PPP2R5C: variants seen among roughly 807,000 people sequenced by gnomAD.
The protein encoded by PPP2R5C is protein phosphatase 2 regulatory subunit B'gamma.
In PPP2R5C, 7 loss-of-function variants were observed where a neutral mutation model predicts 68.9. The ratio of observed to expected loss-of-function variants is 0.10; its 90% CI spans 0.06 to 0.19. The LOEUF (loss-of-function observed/expected upper bound fraction) is 0.19, where lower values mean the gene tolerates loss of function less well. PPP2R5C is among the 10% of genes least tolerant of loss of function. PPP2R5C has a pLI of 1.00. For missense variants in PPP2R5C, 348 were observed against 641.3 expected (o/e 0.54, Z 4.94); for synonymous variants, 210 against 222.2 (o/e 0.95, Z 0.49).
intron 1 of PPP2R5C, among the ~76,000 whole-genome samples, chr14:101,839,937 G>C (rs1253188607): frequency 6.7e-6 from 1 of 149,956 alleles, no homozygotes; most frequent in Admixed American, 6.6e-5. Flanking sequence ...GGCCTTTCCT[G>C]TGTTGTTTGG....
chr14:101,858,938 C>A (rs1377548322), intron 2 of PPP2R5C, among the ~76,000 whole-genome samples: 1 of 152,166 alleles, frequency 6.6e-6, no homozygotes, highest in Non-Finnish European at 1.5e-5. Flanking sequence ...TACTTAAAAG[C>A]CCTTGAGGCT....
At chr14:101,869,358 C>A (rs1326231652) in intron 2 of PPP2R5C, among the ~76,000 whole-genome samples, 1 of 152,192 alleles carries the variant, frequency 6.6e-6, no homozygotes, top group Non-Finnish European at 1.5e-5. Context: ...TGAGGTGTTT[C>A]CAGTTTTATT....
In PPP2R5C at chr14:101,888,258, T is replaced by G. The variant is rs1326877545; in HGVS notation, c.630-1979T>G. ...GTAAACTGAAGCCACACGGCTGCCGTGTATGCAAAGGGAGCCTGCAGGGTG... is the reference window on the plus strand; with the variant it reads ...GTAAACTGAAGCCACACGGCTGCCGGGTATGCAAAGGGAGCCTGCAGGGTG... On this transcript the variant is annotated intron_variant, in intron 5 of 13. Coordinates refer to ENST00000334743, the Ensembl canonical transcript of PPP2R5C. The surrounding 1 kb of genome is among the most constrained non-coding windows in gnomAD (Gnocchi z 5.6). 6.6e-6 allele frequency among the ~76,000 whole-genome samples: 1 copy of G among 151,684 alleles called. No homozygotes were observed. Among genetic ancestry groups the G allele is most frequent in the African/African-American group, 2.4e-5 (1 of 41,258 alleles).
rs2044228888 is a variant in PPP2R5C at position 101,882,565 on chromosome 14, AATCTCCCAG to A, written c.405+295_405+303del. On this transcript the variant is annotated intron_variant, in intron 3 of 13. Coordinates refer to ENST00000334743, the Ensembl canonical transcript of PPP2R5C. The surrounding 1 kb of genome is among the most constrained non-coding windows in gnomAD (Gnocchi z 4.9). ...TCAGGCCCAGAGGTCCTAAGCCAAC[AATCTCCCAG>A]TTTTTGCTCCTCATATTTAATAGGT... 3.8e-6 allele frequency: 1 copy of A among 262,224 alleles called. No individual in the cohort carries two copies. The highest frequency in any genetic ancestry group is 7.2e-6 in the Non-Finnish European group (1 of 139,560). 16.2% of individuals were successfully genotyped at this position (262,224 alleles called of 1,614,324 possible).
At chr14:101,765,864 G>A (rs1226543466) in intron 2 of PPP2R5C, 1 of 151,666 alleles carries the variant, frequency 6.6e-6, no homozygotes, top group African/African-American at 2.4e-5. Context: ...TGGGATTACA[G>A]GCGTTAGCCA....
upstream of PPP2R5C, chr14:101,760,637 G>A (rs1207922743): frequency 4.4e-6 from 4 of 899,476 alleles, no homozygotes; most frequent in Non-Finnish European, 5.3e-6. Flanking sequence ...GGACCTTGCG[G>A]GAGAAACTGC....
chr14:101,900,940 T>C (rs2045649515), intron 8 of PPP2R5C, among the ~76,000 whole-genome samples: 1 of 152,248 alleles, frequency 6.6e-6, no homozygotes, highest in Non-Finnish European at 1.5e-5. Flanking sequence ...CCCACAGGTG[T>C]GCGCACAGAG....
chr14:101,914,829 T>C (rs983491771), intron 12 of PPP2R5C, among the ~76,000 whole-genome samples: 38 of 152,148 alleles, frequency 2.5e-4, no homozygotes, highest in Admixed American at 1.8e-3. Context: ...TCCTAATCCA[T>C]CAAAAGGGGC....
In PPP2R5C at chr14:101,899,791, C is replaced by G. The variant is rs1420853115; in HGVS notation, c.853-1928C>G. ...ATTCAATAGTTTTGAGCTAGGAGAACCATTAAATGATGCATTTTTAGAAAT... is the reference window on the plus strand; with the variant it reads ...ATTCAATAGTTTTGAGCTAGGAGAAGCATTAAATGATGCATTTTTAGAAAT... On this transcript the variant is annotated intron_variant, in intron 8 of 13. Coordinates refer to ENST00000334743, the Ensembl canonical transcript of PPP2R5C. This position sits in a 1 kb window ranked among gnomAD's most constrained non-coding sequence, Gnocchi z 4.2. Among the ~76,000 whole-genome samples the G allele has an allele frequency of 6.6e-6, 1 of 152,160 alleles. No homozygotes were observed. The highest frequency in any genetic ancestry group is 2.4e-5 in the African/African-American group (1 of 41,428).
intron 3 of PPP2R5C, among the ~76,000 whole-genome samples, chr14:101,791,497 AAT>A (rs1302692710): frequency 1.3e-5 from 2 of 152,220 alleles, no homozygotes; most frequent in African/African-American, 4.8e-5. Flanking sequence ...CTGTGTATAA[AAT>A]AGTGTTTTTA....
chr14:101,860,636 C>A (rs759026707), intron 2 of PPP2R5C, among the ~76,000 whole-genome samples: 1 of 151,830 alleles, frequency 6.6e-6, no homozygotes, highest in Non-Finnish European at 1.5e-5. Flanking sequence ...CACCATTTTA[C>A]GTTTGTATCA....
intron 2 of PPP2R5C, among the ~76,000 whole-genome samples, chr14:101,864,617 G>A (rs757146575): frequency 2.4e-4 from 37 of 152,130 alleles, no homozygotes; most frequent in Non-Finnish European, 4.3e-4. Flanking sequence ...CTACACCAGC[G>A]GCCAGTGCTT....
At chr14:101,777,111 C>G (rs1424429358) in intron 2 of PPP2R5C, among the ~76,000 whole-genome samples, 1 of 151,928 alleles carries the variant, frequency 6.6e-6, no homozygotes, top group Non-Finnish European at 1.5e-5. Flanking sequence ...GAGCTCCTGA[C>G]CTCGTGATCC....
At chr14:101,925,000 G>GT in intron 13 of PPP2R5C, 141 bp from the exon 16 acceptor site, 1 of 932,208 alleles carries the variant, frequency 1.1e-6, no homozygotes, top group Non-Finnish European at 1.7e-6. Flanking sequence ...GACCTACGCC[G>GT]TTTCCCTGTG....
chr14:101,843,130 G>C (rs1434919142), intron 1 of PPP2R5C, among the ~76,000 whole-genome samples: 1 of 152,094 alleles, frequency 6.6e-6, no homozygotes, highest in African/African-American at 2.4e-5. Flanking sequence ...TGGGAGGCTG[G>C]GGTGGGAGGA....
chr14:101,785,018 C>T (rs1402544110), intron 2 of PPP2R5C, among the ~76,000 whole-genome samples: 8 of 152,208 alleles, frequency 5.3e-5, no homozygotes, highest in Non-Finnish European at 1.2e-4. Context: ...TTCTCCACCT[C>T]TGCTGAGTAG....
At chr14:101,862,704 A>G (rs1484216352) in intron 2 of PPP2R5C, among the ~76,000 whole-genome samples, 1 of 152,218 alleles carries the variant, frequency 6.6e-6, no homozygotes, top group Non-Finnish European at 1.5e-5. Context: ...CTATTAAAAC[A>G]GACATTAAAG....
At chr14:101,858,473 A>AG (rs1401714287) in intron 2 of PPP2R5C, among the ~76,000 whole-genome samples, 1 of 151,700 alleles carries the variant, frequency 6.6e-6, no homozygotes. Context: ...TCTTTGTGTT[A>AG]GGAGCATTCC....
intron 2 of PPP2R5C, among the ~76,000 whole-genome samples, chr14:101,861,748 G>A (rs764691331): frequency 4.6e-5 from 7 of 152,148 alleles, no homozygotes; most frequent in Non-Finnish European, 8.8e-5. Flanking sequence ...CTGTTTTCAT[G>A]GAACACCATT....
Sources: allele counts gnomAD v4.1 joint callset (sites outside exome capture counted in the v4.1 genomes callset), GRCh38; gene constraint gnomAD v4.1.1; non-coding constraint Gnocchi (gnomAD v3.1); transcripts MANE v1.5; gene names NCBI Gene and HGNC (gene_info 2026-07-23, HGNC 2026-07-21).